Variants in FSTL5 observed in about 807,000 individuals in gnomAD.
The protein encoded by FSTL5 is follistatin-related protein 5.
A neutral mutation model predicts 89.1 loss-of-function variants in FSTL5; 62 were observed. The observed-to-expected ratio is 0.70, with a 90% CI of 0.57 to 0.86. FSTL5 has a LOEUF of 0.86. Among genes scored for constraint, FSTL5 ranks in the 40% least tolerant of loss-of-function variants. The pLI, the probability that FSTL5 is intolerant of heterozygous loss-of-function variation, is 0.00. For missense variants in FSTL5, 1,057 were observed against 1,001.6 expected (o/e 1.06, Z -0.75); for synonymous variants, 383 against 346.2 (o/e 1.11, Z -1.18).
rs766740737 is a variant in FSTL5 at position 161,656,371 on chromosome 4, C to T, written c.851G>A (p.Arg284Lys). The part of the protein sequence containing the change: ...GTLRPPIIWK[R>K]NNIILNNLDL... ...TAAATTATTTAGAATAATATTGTTC[C>T]TTTTCCAGATAATGGGAGGTCTCAG... Residue 284 changes from arginine (R) to lysine (K), a missense_variant, in exon 7 of 16, where the codon AGG (arginine) becomes AAG (lysine). Arg to Lys is a conservative substitution (Grantham distance 26, BLOSUM62 2). Around this residue, in one of 3 missense-constraint regions of FSTL5, gnomAD observed 980 missense variants for 903.2 expected, o/e 1.08. Transcript: ENST00000306100. 10 of 1,602,056 alleles carry T rather than the reference C, an allele frequency of 6.2e-6. No individual in the cohort carries two copies. In the South Asian group the frequency reaches 8.8e-5, roughly 14 times the overall value.
intron 4 of FSTL5, among the ~76,000 whole-genome samples, chr4:161,876,431 A>T (rs1387867186): frequency 6.6e-6 from 1 of 152,226 alleles, no homozygotes; most frequent in Non-Finnish European, 1.5e-5. Context: ...AACATACTTA[A>T]ATATGTTGGG....
chr4:162,103,565 G>A (rs1731087944), intron 2 of FSTL5, among the ~76,000 whole-genome samples: 1 of 152,166 alleles, frequency 6.6e-6, no homozygotes, highest in South Asian at 2.1e-4. Flanking sequence ...CTCTGTTCAA[G>A]GATGCTTACA....
At chr4:162,003,485 A>G (rs1736526017) in intron 3 of FSTL5, among the ~76,000 whole-genome samples, 1 of 152,170 alleles carries the variant, frequency 6.6e-6, no homozygotes, top group Non-Finnish European at 1.5e-5. Context: ...TAAATAAATA[A>G]TGGAAGATAG....
chr4:161,666,438 A>G (rs1217217020), intron 6 of FSTL5, among the ~76,000 whole-genome samples: 3 of 152,146 alleles, frequency 2.0e-5, no homozygotes, highest in Non-Finnish European at 4.4e-5. Context: ...AACATGAACA[A>G]GAGTGTAAAT....
At chr4:162,039,784 T>G (rs1207115519) in intron 2 of FSTL5, among the ~76,000 whole-genome samples, 1 of 151,956 alleles carries the variant, frequency 6.6e-6, no homozygotes, top group African/African-American at 2.4e-5. Flanking sequence ...ATTTACAAAT[T>G]AGCAAAAGAT....
chr4:161,393,562 G>T (rs1015876808), intron 15 of FSTL5, among the ~76,000 whole-genome samples: 2 of 152,028 alleles, frequency 1.3e-5, no homozygotes, highest in Admixed American at 1.3e-4. Flanking sequence ...GTTATGTTAG[G>T]CTTTCATTTG....
At chr4:161,962,980 G>A (rs1735224070) in intron 3 of FSTL5, among the ~76,000 whole-genome samples, 1 of 151,846 alleles carries the variant, frequency 6.6e-6, no homozygotes, top group African/African-American at 2.4e-5. Flanking sequence ...CAAGCTTTGG[G>A]GTCAGAACTA....
intron 4 of FSTL5, among the ~76,000 whole-genome samples, chr4:161,779,044 A>T (rs1741524465): frequency 6.6e-6 from 1 of 152,188 alleles, no homozygotes; most frequent in Non-Finnish European, 1.5e-5. Flanking sequence ...GGGAGATCTG[A>T]ATGTTGGCGA....
intron 4 of FSTL5, among the ~76,000 whole-genome samples, chr4:161,778,116 AC>A (rs1741487584): frequency 1.3e-5 from 2 of 151,658 alleles, no homozygotes; most frequent in Non-Finnish European, 2.9e-5. Context: ...ACACACACAC[AC>A]ACACACAAAA....
At chr4:161,561,210 G>GATAC (rs1367025507) in intron 8 of FSTL5, among the ~76,000 whole-genome samples, 1 of 141,524 alleles carries the variant, frequency 7.1e-6, no homozygotes, top group Non-Finnish European at 1.6e-5. Context: ...TAGATAGATA[G>GATAC]ATAGATACAT....
rs945542129 is a variant in FSTL5 at position 162,019,158 on chromosome 4, T to C, written c.160+14467A>G. Among the ~76,000 whole-genome samples, 8 of 152,178 alleles carry C rather than the reference T, an allele frequency of 5.3e-5. No homozygotes were observed. In the South Asian group the frequency reaches 1.5e-3, roughly 28 times the overall value. ...ATACAGCACACATTTTTTCCACAAT[T>C]GAGGGAAATGAAATTTTGGTAATAC... On this transcript the variant is annotated intron_variant, in intron 3 of 15. Coordinates refer to ENST00000306100, the MANE Select transcript of FSTL5 (RefSeq NM_020116.5).
intron 6 of FSTL5, among the ~76,000 whole-genome samples, chr4:161,724,688 C>T (rs993151767): frequency 1.3e-5 from 2 of 152,096 alleles, no homozygotes; most frequent in Admixed American, 1.3e-4. Flanking sequence ...ATCACATGTC[C>T]TAGCTATAAA....
intron 13 of FSTL5, among the ~76,000 whole-genome samples, chr4:161,479,329 G>A (rs1729418049): frequency 6.6e-6 from 1 of 151,878 alleles, no homozygotes; most frequent in Admixed American, 6.6e-5. Context: ...AATTTTAAAT[G>A]TTTCACCATT....
At chr4:161,985,462 CAT>C (rs1389992566) in intron 3 of FSTL5, among the ~76,000 whole-genome samples, 4 of 151,944 alleles carry the variant, frequency 2.6e-5, no homozygotes, top group African/African-American at 4.8e-5. Context: ...ATTAATATTA[CAT>C]AGTTTCACCA....
At chr4:161,790,486 TA>T (rs1214130675) in intron 4 of FSTL5, among the ~76,000 whole-genome samples, 1 of 152,236 alleles carries the variant, frequency 6.6e-6, no homozygotes, top group African/African-American at 2.4e-5. Flanking sequence ...GCACAGTGTA[TA>T]CAGTGTTACA....
At chr4:161,819,804 T>A (rs1730436984) in intron 4 of FSTL5, among the ~76,000 whole-genome samples, 1 of 152,080 alleles carries the variant, frequency 6.6e-6, no homozygotes, top group Non-Finnish European at 1.5e-5. Flanking sequence ...TATGATTAAC[T>A]CATCTTTAGT....
chr4:161,654,836 C>A (rs1253466649), intron 7 of FSTL5, among the ~76,000 whole-genome samples: 1 of 152,072 alleles, frequency 6.6e-6, no homozygotes, highest in Non-Finnish European at 1.5e-5. Flanking sequence ...ACAGATACCC[C>A]ATAAGCACAC....
intron 4 of FSTL5, among the ~76,000 whole-genome samples, chr4:161,854,255 C>A (rs923706200): frequency 5.3e-5 from 8 of 152,142 alleles, no homozygotes; most frequent in Admixed American, 3.9e-4. Context: ...CACTTCCCAA[C>A]TGAGAACCGT....
intron 2 of FSTL5, among the ~76,000 whole-genome samples, chr4:162,095,925 G>A (rs1283411012): frequency 6.6e-6 from 1 of 151,838 alleles, no homozygotes; most frequent in African/African-American, 2.4e-5. Context: ...TCTTTAATGT[G>A]TGAAATCTTT....
Sources: allele counts gnomAD v4.1 joint callset (sites outside exome capture counted in the v4.1 genomes callset), GRCh38; gene constraint gnomAD v4.1.1; regional missense constraint gnomAD v4.1.1; transcripts MANE v1.5; gene names NCBI Gene and HGNC (gene_info 2026-07-23, HGNC 2026-07-21).